LDLRAD4: variants seen among roughly 807,000 people sequenced by gnomAD.
LDLRAD4 encodes low-density lipoprotein receptor class A domain-containing protein 4.
Under a neutral mutation model 17.0 loss-of-function variants are expected in LDLRAD4, and 5 were observed. The observed-to-expected ratio is 0.29, with a 90% confidence interval of 0.15 to 0.62. The LOEUF is 0.62. Among genes scored for constraint, LDLRAD4 ranks in the 20% least tolerant of loss-of-function variants. The probability of loss-of-function intolerance (pLI) is 0.84; values close to 1 mark genes in which losing one functional copy is unlikely to be tolerated. For synonymous variants in LDLRAD4, 168 were observed against 171.8 expected (o/e 0.98, Z 0.17); for missense variants, 340 against 424.7 (o/e 0.80, Z 1.75).
intron 2 of LDLRAD4, among the ~76,000 whole-genome samples, chr18:13,436,757 C>T (rs1022771469): frequency 6.6e-6 from 1 of 152,256 alleles, no homozygotes; most frequent in Admixed American, 6.5e-5. Flanking sequence ...ACCCCCACCA[C>T]GTGGCCCAGC....
At chr18:13,602,040 G>T (rs2095169445) in intron 3 of LDLRAD4, among the ~76,000 whole-genome samples, 1 of 152,192 alleles carries the variant, frequency 6.6e-6, no homozygotes, top group African/African-American at 2.4e-5. Context: ...ATTATTCTAA[G>T]TGAATTAATG....
At chr18:13,295,967 G>A (rs2046249264) in intron 1 of LDLRAD4, among the ~76,000 whole-genome samples, 2 of 152,234 alleles carry the variant, frequency 1.3e-5, no homozygotes, top group Non-Finnish European at 1.5e-5. Context: ...CTCATACTGT[G>A]CAAAGAGAAG....
chr18:13,476,576 A>G (rs1393601404), intron 3 of LDLRAD4, among the ~76,000 whole-genome samples: 2 of 151,320 alleles, frequency 1.3e-5, no homozygotes, highest in Non-Finnish European at 2.9e-5. Flanking sequence ...GTGAGCTATG[A>G]TTACACCACT....
At chr18:13,441,924 G>A (rs1430447914) in intron 3 of LDLRAD4, among the ~76,000 whole-genome samples, 1 of 152,166 alleles carries the variant, frequency 6.6e-6, no homozygotes, top group Non-Finnish European at 1.5e-5. Context: ...TGGACGTGGA[G>A]GTCTGGGCTG....
At chr18:13,218,315 G>A (rs2041262604), upstream of LDLRAD4, among the ~76,000 whole-genome samples, 1 of 152,206 alleles carries the variant, frequency 6.6e-6, no homozygotes, top group East Asian at 1.9e-4. Flanking sequence ...TGGGCACGGC[G>A]GGGATCCGGG....
chr18:13,615,484 T>TA (rs2039989268), intron 3 of LDLRAD4: 1 of 152,192 alleles, frequency 6.6e-6, no homozygotes, highest in Non-Finnish European at 1.5e-5. Context: ...CAGAGCTCTT[T>TA]AAAAATAGCG....
At chr18:13,631,783 C>G (rs999122872) in intron 4 of LDLRAD4, among the ~76,000 whole-genome samples, 2 of 152,052 alleles carry the variant, frequency 1.3e-5, no homozygotes, top group East Asian at 3.9e-4. Context: ...GAAAATTAAC[C>G]AGGCATGGGG....
chr18:13,573,190 C>T (rs148583694), intron 3 of LDLRAD4, among the ~76,000 whole-genome samples: 5,265 of 152,252 alleles, frequency 0.035, 326 homozygotes, highest in African/African-American at 0.12. Flanking sequence ...CTGCAGCCTC[C>T]GCCTCCCGGG....
intron 1 of LDLRAD4, chr18:13,236,320 T>TTTTTC (rs1182941058): frequency 2.7e-5 from 4 of 150,220 alleles, no homozygotes; most frequent in East Asian, 1.9e-4. Context: ...TTTTTTTTTT[T>TTTTTC]TTTTTTGAGA....
intron 3 of LDLRAD4, among the ~76,000 whole-genome samples, chr18:13,501,556 T>G (rs1264793855): frequency 6.7e-6 from 1 of 149,738 alleles, no homozygotes; most frequent in Non-Finnish European, 1.5e-5. Flanking sequence ...CTCCGGAGGT[T>G]GGCATTGTGT....
At position 13,645,602 on chromosome 18, in the gene LDLRAD4, A is replaced by G; in HGVS notation, c.866A>G (p.Glu289Gly). The G allele has an allele frequency of 6.4e-7, 1 of 1,570,070 alleles. No individual in the cohort carries two copies. Among genetic ancestry groups the G allele is most frequent in the South Asian group, 1.2e-5 (1 of 82,886 alleles). Reference sequence around the variant, plus strand: ...CTGCAGTTTCAGCAGAACAATGCAGAGAGCACAATAGTACCCATCAAAGGC... The same window carrying G: ...CTGCAGTTTCAGCAGAACAATGCAGGGAGCACAATAGTACCCATCAAAGGC... The change falls in exon 6 of 6, where the codon GAG becomes GGG. Residue 289 changes from glutamate to glycine, a missense_variant. Coordinates refer to ENST00000359446, the Ensembl canonical transcript of LDLRAD4. The surrounding 1 kb of genome is among the most constrained non-coding windows in gnomAD (Gnocchi z 5.7).
intron 4 of LDLRAD4, among the ~76,000 whole-genome samples, chr18:13,625,583 C>T (rs2041063541): frequency 6.6e-6 from 1 of 152,162 alleles, no homozygotes; most frequent in African/African-American, 2.4e-5. Flanking sequence ...GCCCCGCTGC[C>T]TTCTCTGGCC....
intron 3 of LDLRAD4, among the ~76,000 whole-genome samples, chr18:13,585,077 C>T (rs1023915597): frequency 1.3e-5 from 2 of 152,242 alleles, no homozygotes; most frequent in African/African-American, 4.8e-5. Context: ...TTTTCCCTGG[C>T]TGGAATAAGA....
chr18:13,432,028 G>A (rs1477174722), intron 2 of LDLRAD4, among the ~76,000 whole-genome samples: 7 of 152,218 alleles, frequency 4.6e-5, no homozygotes, highest in Non-Finnish European at 4.4e-5. Context: ...TGAGGCATGA[G>A]CACTGCTGCA....
intron 3 of LDLRAD4, among the ~76,000 whole-genome samples, chr18:13,594,539 GCCTGTAGTCCC>G (rs1444817083): frequency 6.6e-6 from 1 of 151,674 alleles, no homozygotes; most frequent in Non-Finnish European, 1.5e-5. Context: ...GGAGGTGCAT[GCCTGTAGTCCC>G]AGTTACTTGG....
At chr18:13,472,379 T>C (rs9947982) in intron 3 of LDLRAD4, 148,839 of 152,392 alleles carry the variant, frequency 0.98, 72,796 homozygotes, top group East Asian at 1. Context: ...ATTTAAGCTT[T>C]GATTTCAGAT....
At chr18:13,493,916 G>T (rs1242434938) in intron 3 of LDLRAD4, among the ~76,000 whole-genome samples, 1 of 152,228 alleles carries the variant, frequency 6.6e-6, no homozygotes, top group Non-Finnish European at 1.5e-5. Context: ...GCCACCCAGG[G>T]GGTCCCCGCT....
chr18:13,546,426 T>C (rs142607142), intron 3 of LDLRAD4, among the ~76,000 whole-genome samples: 2 of 138,092 alleles, frequency 1.4e-5, no homozygotes, highest in Non-Finnish European at 3.0e-5. Context: ...TGGAGTGCAG[T>C]GGTGCAATCA....
intron 1 of LDLRAD4, among the ~76,000 whole-genome samples, chr18:13,262,007 TGC>T (rs2043847463): frequency 2.0e-5 from 3 of 151,566 alleles, no homozygotes; most frequent in Admixed American, 6.6e-5. Flanking sequence ...TGGGGCTCTG[TGC>T]GTGGGGGCTG....
Sources: gnomAD v4.1 joint callset for allele counts (sites outside exome capture counted in the v4.1 genomes callset) on GRCh38, gnomAD v4.1.1 for gene constraint, Gnocchi (gnomAD v3.1) non-coding constraint, MANE v1.5 for transcripts, NCBI Gene and HGNC (gene_info 2026-07-23, HGNC 2026-07-21) for gene names.